NRG1: variants seen among roughly 807,000 people sequenced by gnomAD.
NRG1 encodes neuregulin 1.
Under a neutral mutation model 63.8 loss-of-function variants are expected in NRG1, and 18 were observed. The observed-to-expected ratio is 0.28, with a 90% confidence interval of 0.19 to 0.42. The LOEUF is 0.42. NRG1 is among the 10% of genes least tolerant of loss of function. The pLI, the probability that NRG1 is intolerant of heterozygous loss-of-function variation, is 1.00. For synonymous variants in NRG1, 302 were observed against 301.3 expected, an observed-to-expected ratio of 1.00 and a Z score of -0.02; for missense variants, 762 against 814.7, an observed-to-expected ratio of 0.94 and a Z score of 0.79.
intron 1 of NRG1, among the ~76,000 whole-genome samples, chr8:31,987,320 A>ATGTGTG (rs545275263): frequency 0.032 from 4,038 of 125,654 alleles, 105 homozygotes; most frequent in South Asian, 0.053. Flanking sequence ...AAACATATAT[A>ATGTGTG]TGTGTGTGTG....
At chr8:32,152,780 A>G (rs1023800643) in intron 1 of NRG1, among the ~76,000 whole-genome samples, 1 of 152,258 alleles carries the variant, frequency 6.6e-6, no homozygotes, top group African/African-American at 2.4e-5. Flanking sequence ...ATCCACTTTC[A>G]AGTCAAAAAA....
At chr8:32,095,701 T>C (rs1426377051) in intron 1 of NRG1, among the ~76,000 whole-genome samples, 1 of 152,186 alleles carries the variant, frequency 6.6e-6, no homozygotes, top group Non-Finnish European at 1.5e-5. Context: ...CCGAATGAAT[T>C]AATTGTTGTG....
At chr8:31,894,581 C>T (rs1255435636) in intron 1 of NRG1, among the ~76,000 whole-genome samples, 3 of 133,254 alleles carry the variant, frequency 2.3e-5, no homozygotes, top group South Asian at 2.3e-4. Flanking sequence ...GATGGAGTCT[C>T]GCTCTGTCGC....
chr8:31,927,437 T>A (rs1834450324), intron 1 of NRG1, among the ~76,000 whole-genome samples: 1 of 118,956 alleles, frequency 8.4e-6, no homozygotes, highest in East Asian at 2.4e-4. Flanking sequence ...CAGAGAAAAC[T>A]ACTTTTTTTT....
At chr8:32,193,944 G>A (rs1000684511) in intron 1 of NRG1, among the ~76,000 whole-genome samples, 7 of 152,252 alleles carry the variant, frequency 4.6e-5, no homozygotes, top group Non-Finnish European at 5.9e-5. Flanking sequence ...CACCTGCAGA[G>A]GAAGCAGCCC....
In NRG1 at chr8:31,988,388, C is replaced by T. The variant is rs895223486; in HGVS notation, c.37+348957C>T. On this transcript the variant is annotated intron_variant, in intron 1 of 10. Transcript: ENST00000519301. Reference sequence around the variant, plus strand: ...GGGTCCTCAATTTTTCCTGAATACACCGCTCATGTGGCCACCCCTAACTGA... The same window carrying T: ...GGGTCCTCAATTTTTCCTGAATACATCGCTCATGTGGCCACCCCTAACTGA... 3.3e-5 allele frequency among the ~76,000 whole-genome samples: 5 copies of T among 152,052 alleles called. No individual in the cohort carries two copies. In the South Asian group the frequency reaches 6.2e-4, roughly 19 times the overall value.
chr8:32,074,514 A>G (rs1826201720), intron 1 of NRG1, among the ~76,000 whole-genome samples: 3 of 152,186 alleles, frequency 2.0e-5, no homozygotes, highest in Admixed American at 1.3e-4. Flanking sequence ...GTCTTTCTGT[A>G]AATGGAACTG....
At chr8:32,042,708 C>A (rs1305278129) in intron 1 of NRG1, among the ~76,000 whole-genome samples, 3 of 151,726 alleles carry the variant, frequency 2.0e-5, no homozygotes, top group Non-Finnish European at 4.4e-5. Context: ...AAAAGAAATA[C>A]AGACATTTTA....
chr8:31,834,305 G>GCACACACACA (rs1554547004), intron 1 of NRG1, among the ~76,000 whole-genome samples: 1,772 of 144,336 alleles, frequency 0.012, 40 homozygotes, highest in African/African-American at 0.042. Context: ...GCGCGCACGC[G>GCACACACACA]CGCACACACA....
chr8:31,883,212 C>A (rs779075420), intron 1 of NRG1, among the ~76,000 whole-genome samples: 9 of 152,092 alleles, frequency 5.9e-5, no homozygotes, highest in Non-Finnish European at 1.3e-4. Context: ...AGACCCTCCA[C>A]CAGCAAAAAG....
intron 5 of NRG1, among the ~76,000 whole-genome samples, chr8:32,725,531 G>A (rs113368296): frequency 4.4e-4 from 59 of 135,226 alleles, no homozygotes; most frequent in Middle Eastern, 4.1e-3. Context: ...GCTTCAGTGC[G>A]GCAGTGCAAT....
At chr8:32,251,101 A>G (rs973381377) in intron 1 of NRG1, among the ~76,000 whole-genome samples, 40 of 152,048 alleles carry the variant, frequency 2.6e-4, no homozygotes, top group African/African-American at 9.4e-4. Flanking sequence ...ATACATGTGC[A>G]GAATGTGCAG....
intron 1 of NRG1, among the ~76,000 whole-genome samples, chr8:31,987,923 A>AAT (rs1289590760): frequency 6.6e-6 from 1 of 152,112 alleles, no homozygotes; most frequent in Non-Finnish European, 1.5e-5. Context: ...GAGATAAAGT[A>AAT]ATTAATAAAG....
intron 1 of NRG1, among the ~76,000 whole-genome samples, chr8:31,821,233 A>G (rs1823976037): frequency 6.6e-6 from 1 of 152,230 alleles, no homozygotes; most frequent in Non-Finnish European, 1.5e-5. Context: ...ATACATATAA[A>G]GGGCTGACTG....
chr8:31,832,976 C>T (rs73242160), intron 1 of NRG1, among the ~76,000 whole-genome samples: 24,241 of 151,972 alleles, frequency 0.16, 2,098 homozygotes, highest in Admixed American at 0.21. Context: ...AGGACAGATG[C>T]AAAATTTGCA....
At chr8:32,688,293 C>T (rs1589215415) in intron 5 of NRG1, among the ~76,000 whole-genome samples, 1 of 152,228 alleles carries the variant, frequency 6.6e-6, no homozygotes, top group Admixed American at 6.5e-5. Flanking sequence ...CCACGTAAGC[C>T]GCTCAACTCA....
intron 1 of NRG1, among the ~76,000 whole-genome samples, chr8:31,731,565 G>A (rs1814074447): frequency 6.6e-6 from 1 of 151,786 alleles, no homozygotes; most frequent in South Asian, 2.1e-4. Flanking sequence ...TCTGTTTTTT[G>A]AAATACATTT....
chr8:32,369,301 C>T (rs1430241305), intron 1 of NRG1, among the ~76,000 whole-genome samples: 1 of 152,220 alleles, frequency 6.6e-6, no homozygotes, highest in Non-Finnish European at 1.5e-5. Context: ...GTGGGGGAGT[C>T]AGGACCCAGA....
chr8:32,622,380 C>G (rs1396281941), intron 5 of NRG1, among the ~76,000 whole-genome samples: 1 of 151,840 alleles, frequency 6.6e-6, no homozygotes, highest in Non-Finnish European at 1.5e-5. Flanking sequence ...CTCTCCTCTC[C>G]TCTCCTCTTC....
Sources: gnomAD v4.1 joint callset for allele counts (sites outside exome capture counted in the v4.1 genomes callset) on GRCh38, gnomAD v4.1.1 for gene constraint, MANE v1.5 for transcripts, NCBI Gene and HGNC (gene_info 2026-07-23, HGNC 2026-07-21) for gene names.